SLC22A15: variants seen among roughly 807,000 people sequenced by gnomAD.
SLC22A15 encodes solute carrier family 22 member 15.
In SLC22A15, 45 loss-of-function variants were observed where a neutral mutation model predicts 62.7. The observed-to-expected ratio is 0.72, with a 90% CI of 0.56 to 0.92. SLC22A15 has a LOEUF of 0.92. SLC22A15 is among the 40% of genes least tolerant of loss of function. The probability of loss-of-function intolerance (pLI) is 0.00; values close to 1 mark genes in which losing one functional copy is unlikely to be tolerated. For synonymous variants in SLC22A15, 264 were observed against 267.0 expected (o/e 0.99, Z 0.11); for missense variants, 622 against 665.6 (o/e 0.93, Z 0.72).
At chr1:116,032,074 C>G (rs1316871678) in intron 6 of SLC22A15, 1 of 985,228 alleles carries the variant, frequency 1.0e-6, no homozygotes, top group African/African-American at 1.7e-5. Context: ...TAAATATGAT[C>G]CCTTGTACAG....
chr1:115,982,515 T>A (rs923594283), intron 1 of SLC22A15, among the ~76,000 whole-genome samples: 8 of 152,244 alleles, frequency 5.3e-5, no homozygotes, highest in African/African-American at 1.7e-4. Flanking sequence ...TTTTAGTGGC[T>A]GTAGCATGGT....
chr1:116,035,268 G>T lies in SLC22A15; in HGVS notation c.1026G>T (p.Leu342=), dbSNP rs368978553. ...LGGSIYANLA[L]SGLIEIPSYP... ...GAAGTATTTATGCCAACCTGGCCCT[G>T]TCTGGCCTCATAGAGATTCCATCTT... Residue 342 remains leucine, a synonymous_variant, in exon 7 of 12, where the codon CTG becomes CTT. Coordinates refer to ENST00000369503, the MANE Select transcript of SLC22A15 (RefSeq NM_018420.3). The T allele has an allele frequency of 1.2e-6, 2 of 1,613,384 alleles. No individual in the cohort carries two copies. The highest frequency in any genetic ancestry group is 1.7e-6 in the Non-Finnish European group (2 of 1,179,554).
chr1:115,983,424 A>ATGTGTG (rs139389518), intron 1 of SLC22A15, among the ~76,000 whole-genome samples: 1 of 151,110 alleles, frequency 6.6e-6, no homozygotes, highest in Non-Finnish European at 1.5e-5. Context: ...TAGGATGGAG[A>ATGTGTG]TGTGTGTGTG....
intron 1 of SLC22A15, among the ~76,000 whole-genome samples, chr1:115,989,765 G>T (rs1425280321): frequency 7.6e-6 from 1 of 131,046 alleles, no homozygotes; most frequent in Admixed American, 8.2e-5. Context: ...TGGGTGACAA[G>T]AGTGAAACTC....
chr1:116,054,584 C>A (rs2101544777), intron 8 of SLC22A15, among the ~76,000 whole-genome samples: 1 of 152,240 alleles, frequency 6.6e-6, no homozygotes, highest in South Asian at 2.1e-4. Context: ...ACTCTCCACC[C>A]CAAATCAACA....
chr1:115,989,379 T>C (rs1655037616), intron 1 of SLC22A15, among the ~76,000 whole-genome samples: 1 of 152,210 alleles, frequency 6.6e-6, no homozygotes, highest in Admixed American at 6.5e-5. Context: ...ACTGGCTTTA[T>C]TGAGAATGGT....
chr1:116,002,063 C>G (rs1229234690), intron 2 of SLC22A15, among the ~76,000 whole-genome samples: 1 of 152,206 alleles, frequency 6.6e-6, no homozygotes, highest in Non-Finnish European at 1.5e-5. Context: ...GAGATAGCAC[C>G]TCAAGCCTAG....
intron 5 of SLC22A15, among the ~76,000 whole-genome samples, 180 bp from the exon 6 acceptor site, chr1:116,031,185 AT>A (rs1442829953): frequency 6.6e-6 from 1 of 152,192 alleles, no homozygotes; most frequent in Non-Finnish European, 1.5e-5. Flanking sequence ...GTAGACTACC[AT>A]TTAATGTTAG....
At chr1:116,061,916 T>C (rs753194938) in intron 8 of SLC22A15, among the ~76,000 whole-genome samples, 1 of 152,124 alleles carries the variant, frequency 6.6e-6, no homozygotes, top group Non-Finnish European at 1.5e-5. Context: ...TCTTGTTATT[T>C]AAAGAACATC....
At chr1:116,020,644 G>A (rs1570737476) in intron 3 of SLC22A15, 77 bp from the exon 4 acceptor site, 3 of 1,091,958 alleles carry the variant, frequency 2.7e-6, no homozygotes, top group Middle Eastern at 3.2e-4. Context: ...TATTTTATAA[G>A]CTAATGAATA....
intron 8 of SLC22A15, among the ~76,000 whole-genome samples, chr1:116,056,305 A>G (rs1451374912): frequency 1.1e-4 from 1 of 9,242 alleles, no homozygotes; most frequent in Non-Finnish European, 5.8e-3. Flanking sequence ...TCCCATTCAC[A>G]ATTGCTTAAA....
chr1:115,999,680 T>A (rs936970885), intron 2 of SLC22A15, among the ~76,000 whole-genome samples: 1 of 151,914 alleles, frequency 6.6e-6, no homozygotes, highest in Non-Finnish European at 1.5e-5. Flanking sequence ...ATTTTCTGTA[T>A]TTTAGTAGTG....
rs576971411 is a variant in SLC22A15 at position 116,051,722 on chromosome 1, T to C, written c.1172-11040T>C. On this transcript the variant is annotated intron_variant, in intron 8 of 11. Coordinates refer to ENST00000369503, the MANE Select transcript of SLC22A15 (RefSeq NM_018420.3). ...ACAAAGATAAATAGTTGGGACTGAC[T>C]GTACAACTGTATCAGCTGCTCGTAG... Among the ~76,000 whole-genome samples the C allele has an allele frequency of 7.2e-5, 11 of 152,324 alleles. No individual in the cohort carries two copies. In the East Asian group the frequency reaches 1.5e-3, roughly 21 times the overall value.
At chr1:116,033,991 G>C (rs1200686578) in intron 6 of SLC22A15, among the ~76,000 whole-genome samples, 1 of 152,078 alleles carries the variant, frequency 6.6e-6, no homozygotes, top group Non-Finnish European at 1.5e-5. Flanking sequence ...TACAGCCTGG[G>C]GTACTTGGCC....
rs1044735663 is a variant in SLC22A15 at position 116,037,924 on chromosome 1, A to G, written c.1171+536A>G. Among the ~76,000 whole-genome samples the G allele has an allele frequency of 1.3e-5, 2 of 152,202 alleles. 1 individual carries two copies. Among genetic ancestry groups the G allele is most frequent in the South Asian group, 4.1e-4 (2 of 4,828 alleles). ...GTGAAAACACCTAGTTAGGAAACTGATATTTTTATATATGTGTAGCTTTTC... is the reference window on the plus strand; with the variant it reads ...GTGAAAACACCTAGTTAGGAAACTGGTATTTTTATATATGTGTAGCTTTTC... On this transcript the variant is annotated intron_variant, in intron 8 of 11. Transcript: ENST00000369503.
At chr1:116,052,506 A>G (rs1658088313) in intron 8 of SLC22A15, among the ~76,000 whole-genome samples, 1 of 152,272 alleles carries the variant, frequency 6.6e-6, no homozygotes, top group Non-Finnish European at 1.5e-5. Context: ...CAACCTCTGC[A>G]AACTTAAATG....
intron 2 of SLC22A15, among the ~76,000 whole-genome samples, chr1:116,001,812 G>C (rs1655746235): frequency 6.6e-6 from 1 of 152,054 alleles, no homozygotes; most frequent in Non-Finnish European, 1.5e-5. Context: ...ACATATCTCT[G>C]TCACTCCAGA....
Position 116,064,460 on chromosome 1 carries a change from C to A in SLC22A15, c.1317C>A (p.Ser439=), listed in dbSNP as rs1002842176. 1.2e-6 allele frequency: 2 copies of A among 1,613,414 alleles called. No homozygotes were observed. Among genetic ancestry groups the A allele is most frequent in the African/African-American group, 2.7e-5 (2 of 74,878 alleles). The change falls in exon 10 of 12, where the codon TCC becomes TCA. Residue 439 remains serine, a synonymous_variant. Coordinates refer to ENST00000369503, the MANE Select transcript of SLC22A15 (RefSeq NM_018420.3). ...GGAATGTTGGGCTTGGAACTTGTTC[C>A]ATGTTCTCCCGAGTTGGTGGGATTA... ...VIRNVGLGTC[S]MFSRVGGIIA...
chr1:115,988,652 C>T (rs572449277), intron 1 of SLC22A15, among the ~76,000 whole-genome samples: 125 of 151,750 alleles, frequency 8.2e-4, no homozygotes, highest in African/African-American at 2.9e-3. Flanking sequence ...TCCCAAGTAG[C>T]TGGGATTACA....
Sources: gnomAD v4.1 joint callset for allele counts (sites outside exome capture counted in the v4.1 genomes callset) on GRCh38, gnomAD v4.1.1 for gene constraint, MANE v1.5 for transcripts, NCBI Gene and HGNC (gene_info 2026-07-23, HGNC 2026-07-21) for gene names.